TCERG1L: variants seen among roughly 807,000 people sequenced by gnomAD.
The protein encoded by TCERG1L is transcription elongation regulator 1-like protein.
Under a neutral mutation model 56.3 loss-of-function variants are expected in TCERG1L, and 37 were observed. The ratio of observed to expected loss-of-function variants is 0.66; its 90% CI spans 0.51 to 0.87. The LOEUF is 0.87. TCERG1L is among the 40% of genes least tolerant of loss of function. The probability of loss-of-function intolerance (pLI) is 0.00; values close to 1 mark genes in which losing one functional copy is unlikely to be tolerated. For synonymous variants in TCERG1L, 324 were observed against 326.3 expected (o/e 0.99, Z 0.08); for missense variants, 799 against 774.2 (o/e 1.03, Z -0.38).
intron 6 of TCERG1L, among the ~76,000 whole-genome samples, chr10:131,148,911 T>A (rs1251221559): frequency 6.6e-6 from 1 of 152,244 alleles, no homozygotes; most frequent in East Asian, 1.9e-4. Context: ...GGGGCGACTC[T>A]GTCCTGAGCA....
intron 3 of TCERG1L, among the ~76,000 whole-genome samples, chr10:131,306,258 T>C (rs1846817472): frequency 6.6e-6 from 1 of 152,180 alleles, no homozygotes; most frequent in Non-Finnish European, 1.5e-5. Context: ...CAAAGAATTC[T>C]GAAATTTATC....
At chr10:131,180,958 C>G (rs61864072) in intron 4 of TCERG1L, among the ~76,000 whole-genome samples, 1 of 151,500 alleles carries the variant, frequency 6.6e-6, no homozygotes, top group African/African-American at 2.4e-5. Flanking sequence ...GAAGGGAAGT[C>G]GCATCCCTGG....
intron 11 of TCERG1L, among the ~76,000 whole-genome samples, chr10:131,094,498 T>G (rs1845220930): frequency 6.6e-6 from 1 of 152,214 alleles, no homozygotes; most frequent in African/African-American, 2.4e-5. Flanking sequence ...ATTAGCAGAC[T>G]CATGCTCATT....
chr10:131,208,840 G>A (rs546716566), intron 4 of TCERG1L, among the ~76,000 whole-genome samples: 21 of 152,228 alleles, frequency 1.4e-4, no homozygotes, highest in South Asian at 6.2e-4. Flanking sequence ...GACGGATCAC[G>A]AGGTCAGGAG....
intron 4 of TCERG1L, among the ~76,000 whole-genome samples, chr10:131,191,885 A>AAG (rs1554891553): frequency 3.6e-5 from 5 of 137,622 alleles, no homozygotes; most frequent in Non-Finnish European, 7.9e-5. Flanking sequence ...AAAAAAAAAA[A>AAG]AAAAGAAAAA....
Position 131,134,635 on chromosome 10 carries a change from A to C in TCERG1L, c.1190-187T>G, listed in dbSNP as rs183569511. On this transcript the variant is annotated intron_variant, in intron 7 of 11. Coordinates refer to ENST00000368642, the MANE Select transcript of TCERG1L (RefSeq NM_174937.4). ...ATGCTTTTACATTTCAGCAGAACAG[A>C]AATCTGACTGTGCTGTTCTGCAGAG... Among the ~76,000 whole-genome samples the C allele has an allele frequency of 5.3e-5, 8 of 152,326 alleles. 1 individual carries two copies. The East Asian group carries it at 1.4e-3, about 26-fold the overall frequency.
At chr10:131,258,702 C>T (rs977849238) in intron 4 of TCERG1L, among the ~76,000 whole-genome samples, 1 of 152,198 alleles carries the variant, frequency 6.6e-6, no homozygotes, top group Admixed American at 6.5e-5. Context: ...CAGTTATCTA[C>T]AGGACAGATA....
chr10:131,194,828 C>T lies in TCERG1L; in HGVS notation c.857-27943G>A, dbSNP rs151049500. Among the ~76,000 whole-genome samples the T allele has an allele frequency of 1.4e-3, 209 of 152,240 alleles. 5 individuals carry two copies. The East Asian group carries it at 0.032, about 23-fold the overall frequency. ...TTCTTCATCATAAACTCTGTGCCTA[C>T]GGATATCTGAGTCCCGGAAACATAT... On this transcript the variant is annotated intron_variant, in intron 4 of 11. Transcript: ENST00000368642.
At chr10:131,180,985 T>A (rs1474759868) in intron 4 of TCERG1L, among the ~76,000 whole-genome samples, 2 of 152,250 alleles carry the variant, frequency 1.3e-5, no homozygotes, top group Non-Finnish European at 2.9e-5. Context: ...GGTTTGATGC[T>A]GCTCTTCAGG....
chr10:131,126,056 C>T (rs910770350), intron 8 of TCERG1L, among the ~76,000 whole-genome samples: 13 of 152,358 alleles, frequency 8.5e-5, no homozygotes, highest in African/African-American at 3.1e-4. Context: ...CAGCCACAGA[C>T]TCACTGTTGG....
At chr10:131,171,492 G>A (rs1460903742) in intron 4 of TCERG1L, among the ~76,000 whole-genome samples, 2 of 152,184 alleles carry the variant, frequency 1.3e-5, no homozygotes, top group African/African-American at 2.4e-5. Flanking sequence ...ACCAGGATGC[G>A]GGTCCAGTTG....
chr10:131,295,780 CATT>C (rs1465499193), intron 3 of TCERG1L, among the ~76,000 whole-genome samples: 4 of 152,122 alleles, frequency 2.6e-5, no homozygotes. Flanking sequence ...GTATATATTA[CATT>C]GTTGTCATCT....
chr10:131,182,343 C>G (rs562360456), intron 4 of TCERG1L, among the ~76,000 whole-genome samples: 1 of 152,308 alleles, frequency 6.6e-6, no homozygotes, highest in Middle Eastern at 3.4e-3. Flanking sequence ...AGGGCAGGGC[C>G]GGGGTCTTTG....
intron 4 of TCERG1L, among the ~76,000 whole-genome samples, chr10:131,193,589 T>G (rs1589743134): frequency 1.3e-5 from 2 of 152,220 alleles, no homozygotes; most frequent in African/African-American, 2.4e-5. Flanking sequence ...CAGCACCATT[T>G]ATGGAAAAGG....
rs75361832 is a variant in TCERG1L at position 131,118,640 on chromosome 10, A to C, written c.1260-1706T>G. Among the ~76,000 whole-genome samples the C allele has an allele frequency of 6.2e-3, 936 of 152,050 alleles. 11 individuals are homozygous for C. Among genetic ancestry groups the C allele is most frequent in the African/African-American group, 0.022 (894 of 41,460 alleles). On this transcript the variant is annotated intron_variant, in intron 8 of 11. Transcript: ENST00000368642. This position sits in a 1 kb window ranked among gnomAD's most constrained non-coding sequence, Gnocchi z 4.2. ...AGGTTGGTTCAGCCAAAACCCCCCG[A>C]TCCCTGAGGTCTGCTCTTGGTAATT... is the stretch of plus-strand genomic sequence containing the variant.
At chr10:131,303,818 C>A (rs1846793004) in intron 3 of TCERG1L, among the ~76,000 whole-genome samples, 2 of 152,080 alleles carry the variant, frequency 1.3e-5, no homozygotes, top group South Asian at 4.1e-4. Context: ...TGTCTTTTCA[C>A]ATTGGCCAAC....
chr10:131,276,438 T>C (rs1439853064), intron 3 of TCERG1L, among the ~76,000 whole-genome samples: 2 of 152,240 alleles, frequency 1.3e-5, no homozygotes, highest in Non-Finnish European at 2.9e-5. Context: ...AAAACTCCGC[T>C]GTTTATCATC....
chr10:131,199,031 G>T (rs1845397816), intron 4 of TCERG1L, among the ~76,000 whole-genome samples: 1 of 152,204 alleles, frequency 6.6e-6, no homozygotes, highest in East Asian at 1.9e-4. Context: ...GCCCTGCGCA[G>T]TGAGCCCCAA....
At chr10:131,199,383 C>T (rs1845402658) in intron 4 of TCERG1L, among the ~76,000 whole-genome samples, 1 of 152,162 alleles carries the variant, frequency 6.6e-6, no homozygotes, top group Admixed American at 6.5e-5. Context: ...TCAAAAGAAG[C>T]ATCCTGAACC....
Sources: allele counts gnomAD v4.1 joint callset (sites outside exome capture counted in the v4.1 genomes callset), GRCh38; gene constraint gnomAD v4.1.1; non-coding constraint Gnocchi (gnomAD v3.1); transcripts MANE v1.5; gene names NCBI Gene and HGNC (gene_info 2026-07-23, HGNC 2026-07-21).